PARN: variants seen among roughly 807,000 people sequenced by gnomAD.
The protein encoded by PARN is poly(A)-specific ribonuclease PARN.
PARN carries 71 observed loss-of-function variants against 102.8 expected under a neutral mutation model. That is an observed-to-expected ratio of 0.69 (90% CI 0.57 to 0.84). The LOEUF (loss-of-function observed/expected upper bound fraction) is 0.84, where lower values mean the gene tolerates loss of function less well. Ranked by LOEUF, PARN falls within the 40% of genes least tolerant of loss-of-function variation. PARN has a pLI of 0.00. For missense variants in PARN, 782 were observed against 760.9 expected, an observed-to-expected ratio of 1.03 and a Z score of -0.33; for synonymous variants, 261 against 252.9, an observed-to-expected ratio of 1.03 and a Z score of -0.30.
chr16:14,492,324 G>T (rs1306677017), intron 21 of PARN, among the ~76,000 whole-genome samples: 1 of 151,906 alleles, frequency 6.6e-6, no homozygotes, highest in Non-Finnish European at 1.5e-5. Flanking sequence ...GAAAGGAAAG[G>T]AAATGAATCA....
At chr16:14,576,625 G>A (rs1303570817) in intron 18 of PARN, among the ~76,000 whole-genome samples, 1 of 152,182 alleles carries the variant, frequency 6.6e-6, no homozygotes, top group African/African-American at 2.4e-5. Context: ...TCAATGCATT[G>A]ATTAAAACTG....
chr16:14,603,252 C>T (rs192669588), intron 11 of PARN, among the ~76,000 whole-genome samples: 3 of 152,038 alleles, frequency 2.0e-5, no homozygotes, highest in Non-Finnish European at 2.9e-5. Flanking sequence ...TTTGTTTCTG[C>T]GTTGTCCTTT....
At chr16:14,463,134 A>G (rs1013394672) in intron 22 of PARN, among the ~76,000 whole-genome samples, 5 of 152,216 alleles carry the variant, frequency 3.3e-5, no homozygotes, top group African/African-American at 1.2e-4. Flanking sequence ...CCACCAGCTA[A>G]CTTGGGAAAA....
intron 2 of PARN, among the ~76,000 whole-genome samples, chr16:14,629,045 A>C (rs191143597): frequency 6.6e-6 from 1 of 152,362 alleles, no homozygotes; most frequent in African/African-American, 2.4e-5. Flanking sequence ...CAAAAGGGCA[A>C]ATATTGTAAG....
At chr16:14,619,993 C>T (rs1163855386) in intron 5 of PARN, among the ~76,000 whole-genome samples, 3 of 149,476 alleles carry the variant, frequency 2.0e-5, no homozygotes, top group Non-Finnish European at 3.0e-5. Context: ...TGGTGTGAAC[C>T]CAGGAGGCAG....
chr16:14,525,550 T>G (rs1457033766), intron 21 of PARN, among the ~76,000 whole-genome samples: 1 of 152,126 alleles, frequency 6.6e-6, no homozygotes, highest in East Asian at 1.9e-4. Flanking sequence ...ATGGAGGCTG[T>G]GTGCTCTGCT....
chr16:14,554,654 C>G (rs763477684), intron 19 of PARN, among the ~76,000 whole-genome samples: 1 of 151,542 alleles, frequency 6.6e-6, no homozygotes, highest in Admixed American at 6.6e-5. Context: ...ATGCTGCCCA[C>G]GCTGGTCTTG....
intron 22 of PARN, among the ~76,000 whole-genome samples, chr16:14,464,823 G>A (rs1381249242): frequency 2.0e-5 from 3 of 152,028 alleles, no homozygotes; most frequent in African/African-American, 7.2e-5. Context: ...AACTTGGGAG[G>A]CTGAGGCAGG....
chr16:14,457,963 A>G (rs1288430824), intron 22 of PARN, among the ~76,000 whole-genome samples: 1 of 151,668 alleles, frequency 6.6e-6, no homozygotes, highest in Non-Finnish European at 1.5e-5. Context: ...AGAGAGACAG[A>G]GAAAACATGA....
At chr16:14,529,992 C>G (rs1245617342) in intron 21 of PARN, among the ~76,000 whole-genome samples, 10 of 152,156 alleles carry the variant, frequency 6.6e-5, no homozygotes, top group Admixed American at 6.5e-4. Flanking sequence ...CCAAGAGACC[C>G]CAGCAGCTGG....
At chr16:14,608,400 T>C in intron 8 of PARN, 81 bp from the exon 9 acceptor site, 1 of 937,110 alleles carries the variant, frequency 1.1e-6, no homozygotes, top group Non-Finnish European at 1.6e-6. Context: ...TGAGAAGGAT[T>C]TCGCTTTAAA....
chr16:14,568,860 A>G (rs925354752), intron 18 of PARN, among the ~76,000 whole-genome samples: 1 of 151,928 alleles, frequency 6.6e-6, no homozygotes, highest in Admixed American at 6.6e-5. Context: ...ACGCCATTGC[A>G]CTCTAGCCTG....
intron 22 of PARN, among the ~76,000 whole-genome samples, chr16:14,455,645 T>C (rs1596446160): frequency 1.3e-5 from 2 of 152,140 alleles, no homozygotes; most frequent in East Asian, 4.0e-4. Context: ...ACTTGGAGGA[T>C]TTTGTAAAGT....
intron 22 of PARN, among the ~76,000 whole-genome samples, chr16:14,476,324 C>T (rs1567305181): frequency 1.3e-5 from 2 of 152,220 alleles, no homozygotes; most frequent in African/African-American, 4.8e-5. Context: ...GTTATATTCA[C>T]AACCCATCTC....
At chr16:14,600,582 G>A (rs984239335) in intron 11 of PARN, among the ~76,000 whole-genome samples, 2 of 151,916 alleles carry the variant, frequency 1.3e-5, no homozygotes, top group Admixed American at 6.6e-5. Context: ...TAACTCCCAG[G>A]TGTTCCCAGC....
At chr16:14,534,644 A>G (rs1966532241) in intron 21 of PARN, among the ~76,000 whole-genome samples, 1 of 151,964 alleles carries the variant, frequency 6.6e-6, no homozygotes, top group South Asian at 2.1e-4. Context: ...TTTTCAGTTT[A>G]TTTTATATGA....
At chr16:14,477,229 C>G (rs1408227802) in intron 22 of PARN, among the ~76,000 whole-genome samples, 2 of 151,436 alleles carry the variant, frequency 1.3e-5, no homozygotes, top group Non-Finnish European at 2.9e-5. Flanking sequence ...CATTTGAGGT[C>G]AGGAGTTCGA....
At chr16:14,506,637 G>T (rs1003683725) in intron 21 of PARN, among the ~76,000 whole-genome samples, 2 of 152,130 alleles carry the variant, frequency 1.3e-5, no homozygotes, top group Non-Finnish European at 2.9e-5. Context: ...CTGCAGAGAG[G>T]GAGACAGAGC....
chr16:14,520,373 T>C (rs1300530320), intron 21 of PARN, among the ~76,000 whole-genome samples: 1 of 152,204 alleles, frequency 6.6e-6, no homozygotes, highest in African/African-American at 2.4e-5. Flanking sequence ...TAGTTTATCA[T>C]TTTAAGATAT....
Sources: allele counts gnomAD v4.1 joint callset (sites outside exome capture counted in the v4.1 genomes callset), GRCh38; gene constraint gnomAD v4.1.1; transcripts MANE v1.5; gene names NCBI Gene and HGNC (gene_info 2026-07-23, HGNC 2026-07-21).